The following NKTR variants were observed in gnomAD, a reference collection of about 807,000 sequenced individuals.
NKTR encodes NK-tumor recognition protein.
In NKTR, 67 loss-of-function variants were observed where a neutral mutation model predicts 156.3. That is an observed-to-expected ratio of 0.43 (90% CI 0.35 to 0.53). The LOEUF (loss-of-function observed/expected upper bound fraction) is 0.53, where lower values mean the gene tolerates loss of function less well. Among genes scored for constraint, NKTR ranks in the 20% least tolerant of loss-of-function variants. NKTR has a pLI of 0.01. For missense variants in NKTR, 1,604 were observed against 1,730.9 expected, an observed-to-expected ratio of 0.93 and a Z score of 1.30; for synonymous variants, 640 against 596.6, an observed-to-expected ratio of 1.07 and a Z score of -1.06.
At chr3:42,631,445 A>G (rs1010545894) in intron 8 of NKTR, 129 bp downstream of exon 8, 3 of 1,037,114 alleles carry the variant, frequency 2.9e-6, no homozygotes, top group South Asian at 1.8e-5. Context: ...CATACCCTAC[A>G]TGTTTAATCT....
At chr3:42,618,276 G>A (rs1212598610) in intron 3 of NKTR, among the ~76,000 whole-genome samples, 6 of 151,062 alleles carry the variant, frequency 4.0e-5, no homozygotes, top group Admixed American at 6.6e-5. Flanking sequence ...ACTTGAACCC[G>A]GGAGGCGGAG....
Position 42,634,671 on chromosome 3 carries a change from G to T in NKTR, c.988G>T (p.Gly330Ter). 1 of 1,602,472 alleles carries T rather than the reference G, an allele frequency of 6.2e-7. No homozygotes were observed. Among genetic ancestry groups the T allele is most frequent in the South Asian group, 1.1e-5 (1 of 89,310 alleles). Residue 330 changes from glycine to a stop codon, truncating the protein, a stop_gained, in exon 11 of 17, where the codon GGA becomes TGA. Transcript: ENST00000232978. LOFTEE classifies it high-confidence loss of function. The part of the protein sequence containing the change: ...SDQKPSVSKS[G>*]RKIKGRGTIR... ...TCAGAAACCATCTGTATCAAAGTCT[G>T]GACGGAAGATTAAAGGAAGGGGCAC...
At chr3:42,643,704 A>G in intron 15 of NKTR, 198 bp from the exon 16 acceptor site, 1 of 684,814 alleles carries the variant, frequency 1.5e-6, no homozygotes, top group East Asian at 2.7e-5. Flanking sequence ...AGAAATTAAC[A>G]TTTTTCTCTT....
rs376025043 is a variant in NKTR, at chr3:42,637,867, T to A, written c.2163T>A (p.Ser721=). ...SLASSHSRSR[S]PSSRSHSRNK... is the part of the protein sequence containing the mutation. Reference sequence around the variant, plus strand: ...CTAGTTCACATTCAAGGTCTAGGTCTCCATCATCTAGATCTCATTCACGAA... The same window carrying A: ...CTAGTTCACATTCAAGGTCTAGGTCACCATCATCTAGATCTCATTCACGAA... The change falls in exon 13 of 17, where the codon TCT becomes TCA. Residue 721 remains serine, a synonymous_variant. Transcript: ENST00000232978. The A allele has an allele frequency of 2.0e-5, 33 of 1,613,662 alleles. No homozygotes were observed. The highest frequency in any genetic ancestry group is 2.8e-5 in the Non-Finnish European group (33 of 1,179,702).
chr3:42,619,178 T>C, intron 4 of NKTR, 51 bp downstream of exon 4: 1 of 1,576,416 alleles, frequency 6.3e-7, no homozygotes, highest in Non-Finnish European at 8.6e-7. Context: ...GTTTTTAAAG[T>C]ATTTCATTAT....
rs546631707 is a variant in NKTR at position 42,644,099 on chromosome 3, G to A, written c.4301+96G>A. On this transcript the variant is annotated intron_variant, in intron 16 of 16. Transcript: ENST00000232978. ...TGGGCTGCTAGTGGAAGAGAAAGTG[G>A]TATAATCTTCCAAGGACAGAAATAC... The A allele has an allele frequency of 3.8e-4, 263 of 696,394 alleles. 4 individuals are homozygous for A. In the South Asian group the frequency reaches 4.7e-3, roughly 12 times the overall value. 43.1% of individuals were successfully genotyped at this position (696,394 alleles called of 1,614,324 possible). A position where few individuals can be genotyped will look rare whatever the true frequency, so the allele number is the denominator to read the frequency against.
chr3:42,639,709 T>G lies in NKTR; in HGVS notation c.4005T>G (p.Ser1335Arg), dbSNP rs149858223. Residue 1335 changes from serine (S) to arginine (R), a missense_variant, in exon 13 of 17, where the codon AGT becomes AGG. Around this residue, in one of 6 missense-constraint regions of NKTR, gnomAD observed 193 missense variants for 220.2 expected, o/e 0.88. Coordinates refer to ENST00000232978, the MANE Select transcript of NKTR (RefSeq NM_005385.4). The stretch of plus-strand genomic sequence containing the variant: ...ACAGAACAAGGTCTGTCTCCTATAG[T>G]CACTCAAGAAGTCGATCGAGAAGTT... ...SRHRTRSVSY[S>R]HSRSRSRSST... The G allele has an allele frequency of 1.2e-4, 197 of 1,612,254 alleles. No homozygotes were observed. Among genetic ancestry groups the G allele is most frequent in the Non-Finnish European group, 1.5e-5 (18 of 1,179,434 alleles).
chr3:42,611,890 A>G lies in NKTR; in HGVS notation c.59-5680A>G, dbSNP rs186115855. 8.8e-3 allele frequency among the ~76,000 whole-genome samples: 1,336 copies of G among 152,246 alleles called. 12 individuals are homozygous for G. The highest frequency in any genetic ancestry group is 0.021 in the African/African-American group (867 of 41,540). On this transcript the variant is annotated intron_variant, in intron 2 of 16. Coordinates refer to ENST00000232978, the MANE Select transcript of NKTR (RefSeq NM_005385.4). ...ATTGATTCTCCACTGCCTTCCTCCA[A>G]CTGAAATTATTTTTACCCTGGGCAA...
Position 42,638,503 on chromosome 3 carries a change from C to G in NKTR, c.2799C>G (p.Thr933=). 1 of 1,611,504 alleles carries G rather than the reference C, an allele frequency of 6.2e-7. No individual in the cohort carries two copies. The highest frequency in any genetic ancestry group is 8.5e-7 in the Non-Finnish European group (1 of 1,179,226). The change falls in exon 13 of 17, where the codon ACC becomes ACG. Residue 933 remains threonine, a synonymous_variant. Coordinates refer to ENST00000232978, the MANE Select transcript of NKTR (RefSeq NM_005385.4). ...TTCACATCAAAGTCAAACCCACAAC[C>G]AAGTCGTCCACAAATACTTCACTGC... The part of the protein sequence containing the change: ...SEIHIKVKPT[T]KSSTNTSLPD...
At position 42,636,903 on chromosome 3, in the gene NKTR, G is replaced by A; in HGVS notation, c.1199G>A (p.Arg400Lys). Residue 400 changes from arginine to lysine, a missense_variant, in exon 13 of 17, where the codon AGA (arginine) becomes AAA (lysine). This residue lies in a region of NKTR where 1,255 missense variants were observed against 1,243.7 expected (regional missense o/e 1.01). Transcript: ENST00000232978. ...SDPCSSRWDE[R>K]SLSQRSRSWS... The stretch of plus-strand genomic sequence containing the variant: ...CCCTGTTCAAGCCGATGGGATGAAA[G>A]AAGCTTGTCTCAGAGATCCAGATCA... The A allele has an allele frequency of 6.3e-7, 1 of 1,578,782 alleles. No homozygotes were observed.
chr3:42,609,081 T>G (rs1386970425), intron 2 of NKTR, among the ~76,000 whole-genome samples: 1 of 150,860 alleles, frequency 6.6e-6, no homozygotes, highest in Non-Finnish European at 1.5e-5. Context: ...TGAGCAGAGA[T>G]CATACCACTG....
chr3:42,610,601 TTTTC>T (rs1417079583), intron 2 of NKTR, among the ~76,000 whole-genome samples: 2 of 152,100 alleles, frequency 1.3e-5, no homozygotes, highest in Non-Finnish European at 2.9e-5. Context: ...GGGATTTTTT[TTTTC>T]TATCATGGGA....
In NKTR at chr3:42,619,687, A is replaced by G; in HGVS notation, c.265A>G (p.Ile89Val). Residue 89 changes from isoleucine (I) to valine (V), a missense_variant, in exon 5 of 17, where the codon ATT (isoleucine) becomes GTT (valine). By Grantham distance (29) the Ile-to-Val change is conservative (BLOSUM62 3). Transcript: ENST00000232978. ...AGGTAATGGAAAAGGTGGAGAATCA[A>G]TTTATGGTGGATATTTTAAAGGTAA... ...SEGNGKGGES[I>V]YGGYFKDENF... 1 of 1,610,220 alleles carries G rather than the reference A, an allele frequency of 6.2e-7. No homozygotes were observed. The highest frequency in any genetic ancestry group is 8.5e-7 in the Non-Finnish European group (1 of 1,177,148).
intron 13 of NKTR, among the ~76,000 whole-genome samples, chr3:42,640,658 C>T (rs1709810353): frequency 1.3e-5 from 2 of 152,194 alleles, no homozygotes; most frequent in Admixed American, 6.5e-5. Context: ...ATTTTCTCCT[C>T]GGCTGTGTGC....
intron 6 of NKTR, among the ~76,000 whole-genome samples, chr3:42,622,245 G>A (rs1015291448): frequency 1.3e-5 from 2 of 151,898 alleles, no homozygotes; most frequent in Non-Finnish European, 2.9e-5. Context: ...AAATCCTTTG[G>A]CATACTTTTA....
In NKTR at chr3:42,615,206, G is replaced by A. The variant is rs1377850441; in HGVS notation, c.59-2364G>A. Among the ~76,000 whole-genome samples, 4 of 151,844 alleles carry A rather than the reference G, an allele frequency of 2.6e-5. No homozygotes were observed. In the East Asian group the frequency reaches 5.8e-4, roughly 22 times the overall value. ...CGATTCTTTTGCCTCAGCCTCCCGAGTAGCTAGGATTACAGGCGCCTGCCA... is the reference window on the plus strand; with the variant it reads ...CGATTCTTTTGCCTCAGCCTCCCGAATAGCTAGGATTACAGGCGCCTGCCA... On this transcript the variant is annotated intron_variant, in intron 2 of 16. Transcript: ENST00000232978.
Position 42,632,608 on chromosome 3 carries a change from G to C in NKTR, c.558G>C (p.Glu186Asp), listed in dbSNP as rs1559576774. ...ATTAATGTTTCTTAAAAGTTTTTGA[G>C]AAAAAAAGGAAGAAACCAACTCATT... ...LATKSIKDVF[E>D]KKRKKPTHSE... Residue 186 changes from glutamate to aspartate, a missense_variant, in exon 9 of 17, where the codon GAG becomes GAC. By Grantham distance (45) the Glu-to-Asp change is conservative. Around this residue, in one of 6 missense-constraint regions of NKTR, gnomAD observed 1,255 missense variants for 1,243.7 expected, o/e 1.01. Coordinates refer to ENST00000232978, the MANE Select transcript of NKTR (RefSeq NM_005385.4). The C allele has an allele frequency of 1.9e-6, 3 of 1,596,436 alleles. No homozygotes were observed. In the South Asian group the frequency reaches 3.4e-5, roughly 18 times the overall value.
chr3:42,633,884 G>A (rs1026270912), intron 10 of NKTR, 149 bp downstream of exon 10: 40 of 829,558 alleles, frequency 4.8e-5, no homozygotes, highest in Middle Eastern at 3.5e-4. Context: ...TGAATGATAC[G>A]TAGGAAATAT....
At chr3:42,644,130 C>T in intron 16 of NKTR, 127 bp downstream of exon 16, 2 of 589,254 alleles carry the variant, frequency 3.4e-6, no homozygotes, top group Non-Finnish European at 5.9e-6. Context: ...AATACTTCTT[C>T]CTTTAAATCT....
Sources: gnomAD v4.1 joint callset for allele counts (sites outside exome capture counted in the v4.1 genomes callset) on GRCh38, gnomAD v4.1.1 for gene constraint, gnomAD v4.1.1 regional missense constraint, MANE v1.5 for transcripts, NCBI Gene and HGNC (gene_info 2026-07-23, HGNC 2026-07-21) for gene names.